GNAS-AS1: variants seen among roughly 807,000 people sequenced by gnomAD.
GNAS-AS1 encodes GNAS antisense RNA 1, also known as GNAS antisense RNA 1 (non-protein coding).
chr20:58,841,142 G>A lies in GNAS-AS1; in HGVS notation n.819+795C>T, dbSNP rs2085704746. Reference sequence around the variant, plus strand: ...TGCGTCCCGCTGGAGACAACCTGAGGTCTCCGAGCTGGTGCCCCGGCTACG... The same window carrying A: ...TGCGTCCCGCTGGAGACAACCTGAGATCTCCGAGCTGGTGCCCCGGCTACG... On this transcript the variant is annotated intron_variant and non_coding_transcript_variant, in intron 4 of 4. Transcript: ENST00000424094. The surrounding 1 kb of genome is among the most constrained non-coding windows in gnomAD (Gnocchi z 5.0). Among the ~76,000 whole-genome samples the A allele has an allele frequency of 6.6e-6, 1 of 152,110 alleles. No homozygotes were observed. Among genetic ancestry groups the A allele is most frequent in the Non-Finnish European group, 1.5e-5 (1 of 68,018 alleles).
intron 4 of GNAS-AS1, among the ~76,000 whole-genome samples, chr20:58,825,385 G>A (rs939681577): frequency 6.6e-6 from 1 of 152,164 alleles, no homozygotes; most frequent in Non-Finnish European, 1.5e-5. Flanking sequence ...GGGTGGATGG[G>A]GACAGGATCA....
chr20:58,824,501 C>T (rs2085507180), intron 4 of GNAS-AS1, among the ~76,000 whole-genome samples: 1 of 152,174 alleles, frequency 6.6e-6, no homozygotes, highest in Non-Finnish European at 1.5e-5. Flanking sequence ...CACAGCAGGC[C>T]CACCCCCAAA....
chr20:58,820,756 C>T (rs1173138275), intron 4 of GNAS-AS1, among the ~76,000 whole-genome samples: 4 of 152,260 alleles, frequency 2.6e-5, no homozygotes, highest in African/African-American at 9.6e-5. Context: ...AGCGCTTGCG[C>T]AGGCAAACTC....
intron 1 of GNAS-AS1, among the ~76,000 whole-genome samples, chr20:58,849,630 T>G (rs1448830026): frequency 1.3e-5 from 2 of 152,150 alleles, no homozygotes; most frequent in African/African-American, 4.8e-5. Flanking sequence ...TCCCACTGAC[T>G]TCCCTGTCCC....
chr20:58,850,607 C>T (rs574559187), exon 1 of GNAS-AS1: 24 of 399,030 alleles, frequency 6.0e-5, no homozygotes, highest in African/African-American at 4.5e-4. Flanking sequence ...AGTAAGCCCT[C>T]TCCTTGGGGT....
At chr20:58,828,547 T>C (rs112480248) in intron 4 of GNAS-AS1, among the ~76,000 whole-genome samples, 167 of 152,310 alleles carry the variant, frequency 1.1e-3, no homozygotes, top group African/African-American at 3.9e-3. Flanking sequence ...TCCTTACTTG[T>C]AAAATAAAAG....
At chr20:58,823,957 C>T (rs2085503500) in intron 4 of GNAS-AS1, 1 of 398,660 alleles carries the variant, frequency 2.5e-6, no homozygotes, top group Admixed American at 4.4e-5. Context: ...CCAGCACAAA[C>T]ATGCAGCCAA....
intron 4 of GNAS-AS1, among the ~76,000 whole-genome samples, chr20:58,830,252 TCAACGCCACACCATCACCAC>T (rs1568899927): frequency 2.1e-3 from 121 of 56,302 alleles, no homozygotes; most frequent in African/African-American, 4.2e-3. Flanking sequence ...ACCACCACCA[TCAACGCCACACCATCACCAC>T]CACCGCCACA....
rs548132075 is a variant in GNAS-AS1 at position 58,840,147 on chromosome 20, G to A, written n.819+1790C>T. Reference sequence around the variant, plus strand: ...CGGGCTCAGCAGTGGCGCCGAGCTCGCCATAATTACAACGACCTGTGCCCG... The same window carrying A: ...CGGGCTCAGCAGTGGCGCCGAGCTCACCATAATTACAACGACCTGTGCCCG... On this transcript the variant is annotated intron_variant and non_coding_transcript_variant, in intron 4 of 4. Transcript: ENST00000424094. This position sits in a 1 kb window ranked among gnomAD's most constrained non-coding sequence, Gnocchi z 6.0. 32 of 1,611,514 alleles carry A rather than the reference G, an allele frequency of 2.0e-5. No individual in the cohort carries two copies. The East Asian group carries it at 2.7e-4, about 13-fold the overall frequency.
chr20:58,822,535 C>G (rs1034388730), intron 4 of GNAS-AS1, among the ~76,000 whole-genome samples: 2 of 152,228 alleles, frequency 1.3e-5, no homozygotes, highest in African/African-American at 4.8e-5. Context: ...TGGCGGTCAT[C>G]ATCATTCATC....
intron 4 of GNAS-AS1, among the ~76,000 whole-genome samples, chr20:58,831,079 C>T (rs931102687): frequency 3.3e-5 from 5 of 152,184 alleles, no homozygotes; most frequent in African/African-American, 1.2e-4. Flanking sequence ...ATCAATCTAA[C>T]TGGCACTACT....
At position 58,840,523 on chromosome 20, in the gene GNAS-AS1, C is replaced by G. The variant is rs148044699; in HGVS notation, n.819+1414G>C. The G allele has an allele frequency of 1.1e-5, 17 of 1,613,626 alleles. No individual in the cohort carries two copies. The highest frequency in any genetic ancestry group is 1.6e-4 in the Middle Eastern group (1 of 6,062). ...CCGCCCCCACCACTGAGCCCGAGAC[C>G]GAGCCTGAAGACGATCGCGGCCCGG... On this transcript the variant is annotated intron_variant and non_coding_transcript_variant, in intron 4 of 4. Transcript: ENST00000424094. The surrounding 1 kb of genome is among the most constrained non-coding windows in gnomAD (Gnocchi z 6.0).
intron 2 of GNAS-AS1, among the ~76,000 whole-genome samples, chr20:58,847,716 TG>T (rs1224606349): frequency 1.3e-5 from 2 of 152,208 alleles, no homozygotes; most frequent in Admixed American, 1.3e-4. Context: ...AAAAAAATAC[TG>T]TTTTTCGTGG....
chr20:58,834,900 T>C (rs958253499), intron 4 of GNAS-AS1, among the ~76,000 whole-genome samples: 2 of 152,202 alleles, frequency 1.3e-5, no homozygotes, highest in African/African-American at 4.8e-5. Flanking sequence ...AAAAAGGTGA[T>C]TATTTCCCTC....
chr20:58,827,868 C>T (rs2085531075), intron 4 of GNAS-AS1, among the ~76,000 whole-genome samples: 2 of 152,210 alleles, frequency 1.3e-5, no homozygotes, highest in South Asian at 2.1e-4. Context: ...TCAAAGCAGA[C>T]ATTAGCCTTA....
chr20:58,841,206 C>A lies in GNAS-AS1; in HGVS notation n.819+731G>T. On this transcript the variant is annotated intron_variant and non_coding_transcript_variant, in intron 4 of 4. Transcript: ENST00000424094. The surrounding 1 kb of genome is among the most constrained non-coding windows in gnomAD (Gnocchi z 5.0). ...AACGCACCCCAGATTTGGAGCTGCA[C>A]ACCCAAACGGCATTGGTAAGTCACT... 2 of 622,884 alleles carry A rather than the reference C, an allele frequency of 3.2e-6. No homozygotes were observed. Among genetic ancestry groups the A allele is most frequent in the South Asian group, 2.6e-5 (1 of 38,816 alleles). 38.6% of individuals were successfully genotyped at this position (622,884 alleles called of 1,614,324 possible).
At chr20:58,819,271 G>A (rs1035570299) in intron 4 of GNAS-AS1, 6 of 398,496 alleles carry the variant, frequency 1.5e-5, no homozygotes, top group East Asian at 1.4e-4. Flanking sequence ...GAGCAGACAG[G>A]TTTGGAATAA....
Position 58,840,939 on chromosome 20 carries a change from C to T in GNAS-AS1, n.819+998G>A, listed in dbSNP as rs1311438642. On this transcript the variant is annotated intron_variant and non_coding_transcript_variant, in intron 4 of 4. Coordinates refer to ENST00000424094, the Ensembl canonical transcript of GNAS-AS1. This position sits in a 1 kb window ranked among gnomAD's most constrained non-coding sequence, Gnocchi z 6.0. ...GCCTGAGGGCGGTGTGGGAGCAGCG[C>T]AGGTGGAAAGGAGGTGAGAAGGAAA... 1.3e-6 allele frequency: 2 copies of T among 1,590,274 alleles called. No individual in the cohort carries two copies. Among genetic ancestry groups the T allele is most frequent in the Admixed American group, 1.7e-5 (1 of 58,044 alleles).
chr20:58,822,329 C>T (rs1431031714), intron 4 of GNAS-AS1, among the ~76,000 whole-genome samples: 2 of 152,228 alleles, frequency 1.3e-5, no homozygotes, highest in Non-Finnish European at 2.9e-5. Flanking sequence ...CCAGGCCCCA[C>T]TCAGAGATGA....
Sources: gnomAD v4.1 joint callset for allele counts (sites outside exome capture counted in the v4.1 genomes callset) on GRCh38, gnomAD v4.1.1 for gene constraint, Gnocchi (gnomAD v3.1) non-coding constraint, MANE v1.5 for transcripts, NCBI Gene and HGNC (gene_info 2026-07-23, HGNC 2026-07-21) for gene names.